The following CNTN6 variants were observed in gnomAD, a reference collection of about 807,000 sequenced individuals.
CNTN6 encodes the protein contactin-6.
In CNTN6, 137 loss-of-function variants were observed where a neutral mutation model predicts 122.8. That is an observed-to-expected ratio of 1.12 (90% CI 0.97 to 1.29). The LOEUF is 1.29. Ranked by LOEUF, CNTN6 falls within the 50% of genes most tolerant of loss-of-function variation. The pLI, the probability that CNTN6 is intolerant of heterozygous loss-of-function variation, is 0.00. For synonymous variants in CNTN6, 570 were observed against 426.0 expected, an observed-to-expected ratio of 1.34 and a Z score of -4.16; for missense variants, 1,634 against 1,223.4, an observed-to-expected ratio of 1.34 and a Z score of -5.01.
rs1360893257 is a variant in CNTN6 at position 1,402,389 on chromosome 3, G to T, written c.2889G>T (p.Leu963=). The T allele has an allele frequency of 6.2e-7, 1 of 1,612,276 alleles. No individual in the cohort carries two copies. The highest frequency in any genetic ancestry group is 2.2e-5 in the East Asian group (1 of 44,838). ...LETNNTSAEL[L]VPFEEDYLIE... Reference sequence around the variant, plus strand: ...CAAACAATACATCAGCTGAGCTTCTGGTTCCATTTGAAGAAGACTACTTAA... The same window carrying T: ...CAAACAATACATCAGCTGAGCTTCTTGTTCCATTTGAAGAAGACTACTTAA... The change falls in exon 22 of 23, where the codon CTG becomes CTT. Residue 963 remains leucine, a synonymous_variant. Coordinates refer to ENST00000446702, the MANE Select transcript of CNTN6 (RefSeq NM_001289080.2).
chr3:1,370,327 A>G (rs970472939), intron 12 of CNTN6, among the ~76,000 whole-genome samples: 29 of 152,100 alleles, frequency 1.9e-4, no homozygotes, highest in African/African-American at 7.0e-4. Context: ...GAAGGGGAAC[A>G]TCACACACCG....
At chr3:1,375,319 C>G (rs752264887) in intron 16 of CNTN6, among the ~76,000 whole-genome samples, 2 of 152,062 alleles carry the variant, frequency 1.3e-5, no homozygotes, top group Non-Finnish European at 2.9e-5. Context: ...TTAATACTCT[C>G]TTGTTTCAGT....
chr3:1,247,974 A>G (rs1259102784), intron 4 of CNTN6, among the ~76,000 whole-genome samples: 1 of 152,184 alleles, frequency 6.6e-6, no homozygotes, highest in Non-Finnish European at 1.5e-5. Flanking sequence ...TAAAATGCAG[A>G]CAATAGAAAG....
chr3:1,284,836 A>G (rs909209385), intron 5 of CNTN6, among the ~76,000 whole-genome samples: 6 of 152,348 alleles, frequency 3.9e-5, no homozygotes, highest in Admixed American at 2.6e-4. Context: ...ATAGCATGTC[A>G]AAGAACCTGT....
chr3:1,354,567 TTTC>T (rs551897243), intron 12 of CNTN6, among the ~76,000 whole-genome samples: 66 of 151,610 alleles, frequency 4.4e-4, no homozygotes, highest in African/African-American at 1.5e-3. Flanking sequence ...TTTCTTGTCT[TTTC>T]TTCCCTTCTA....
chr3:1,321,169 A>G (rs1223773570), intron 7 of CNTN6, among the ~76,000 whole-genome samples: 1 of 151,638 alleles, frequency 6.6e-6, no homozygotes, highest in Non-Finnish European at 1.5e-5. Context: ...AATACTTTAT[A>G]TTTTTGCCTT....
intron 1 of CNTN6, among the ~76,000 whole-genome samples, chr3:1,133,311 A>G (rs1328521375): frequency 2.0e-5 from 3 of 152,158 alleles, no homozygotes; most frequent in East Asian, 1.9e-4. Flanking sequence ...GATCTTTTCA[A>G]TTTGGTTGTT....
intron 2 of CNTN6, among the ~76,000 whole-genome samples, chr3:1,183,446 A>AT (rs34388948): frequency 0.075 from 11,117 of 148,200 alleles, 496 homozygotes; most frequent in Middle Eastern, 0.11. Context: ...CCATGACCAT[A>AT]TTTTTTTTTT....
intron 4 of CNTN6, among the ~76,000 whole-genome samples, chr3:1,265,601 A>G (rs140470480): frequency 2.6e-5 from 4 of 152,346 alleles, no homozygotes; most frequent in Non-Finnish European, 4.4e-5. Context: ...ACAAATTACT[A>G]TAAGCAGAAA....
chr3:1,340,506 T>G (rs902033702), intron 11 of CNTN6, among the ~76,000 whole-genome samples: 13 of 152,162 alleles, frequency 8.5e-5, no homozygotes, highest in African/African-American at 2.9e-4. Context: ...TACAATGTAA[T>G]TTTTGATGGC....
intron 4 of CNTN6, among the ~76,000 whole-genome samples, chr3:1,240,744 T>G (rs2094472256): frequency 2.6e-5 from 4 of 151,414 alleles, no homozygotes; most frequent in Admixed American, 2.6e-4. Flanking sequence ...AAATTTCATG[T>G]GTGTCCGTGT....
chr3:1,330,050 A>C, intron 11 of CNTN6, 115 bp downstream of exon 11: 1 of 662,518 alleles, frequency 1.5e-6, no homozygotes. Flanking sequence ...TCTCATTGGC[A>C]TACCTAGAGA....
chr3:1,395,901 T>C (rs1178154419), intron 20 of CNTN6, among the ~76,000 whole-genome samples: 1 of 152,186 alleles, frequency 6.6e-6, no homozygotes, highest in Non-Finnish European at 1.5e-5. Flanking sequence ...AGAAAGGTTT[T>C]GTCATGGCCT....
chr3:1,103,085 G>T (rs956040022), intron 1 of CNTN6, among the ~76,000 whole-genome samples: 2 of 152,024 alleles, frequency 1.3e-5, no homozygotes, highest in African/African-American at 4.8e-5. Context: ...CAGCCTGGGC[G>T]ACAGAGCCAG....
intron 1 of CNTN6, among the ~76,000 whole-genome samples, chr3:1,117,196 T>C (rs918637467): frequency 6.6e-6 from 1 of 152,198 alleles, no homozygotes; most frequent in African/African-American, 2.4e-5. Context: ...CACGTGTGCA[T>C]TACTTTTATA....
At chr3:1,206,348 T>C (rs1365407444) in intron 2 of CNTN6, among the ~76,000 whole-genome samples, 1 of 152,092 alleles carries the variant, frequency 6.6e-6, no homozygotes, top group African/African-American at 2.4e-5. Flanking sequence ...CATGCATCAG[T>C]GTATTTTCCA....
At chr3:1,193,736 A>G (rs2125396836) in intron 2 of CNTN6, among the ~76,000 whole-genome samples, 1 of 152,172 alleles carries the variant, frequency 6.6e-6, no homozygotes, top group East Asian at 1.9e-4. Flanking sequence ...CATTTGTTCA[A>G]CCTTATTTGT....
At chr3:1,348,527 G>A (rs1020272026) in intron 11 of CNTN6, among the ~76,000 whole-genome samples, 3 of 151,828 alleles carry the variant, frequency 2.0e-5, no homozygotes, top group Non-Finnish European at 4.4e-5. Context: ...AGACTCTGAA[G>A]GTCAGATTTT....
chr3:1,292,811 T>A (rs1323579435), intron 5 of CNTN6, among the ~76,000 whole-genome samples: 1 of 151,922 alleles, frequency 6.6e-6, no homozygotes, highest in Non-Finnish European at 1.5e-5. Context: ...ACAAAGAGAG[T>A]AAAAGCCTTT....
Sources: allele counts gnomAD v4.1 joint callset (sites outside exome capture counted in the v4.1 genomes callset), GRCh38; gene constraint gnomAD v4.1.1; transcripts MANE v1.5; gene names NCBI Gene and HGNC (gene_info 2026-07-23, HGNC 2026-07-21).